Variants in NAV3 observed in about 807,000 individuals in gnomAD.
The protein encoded by NAV3 is neuron navigator 3, also known as pore membrane and/or filament interacting like protein 1.
A neutral mutation model predicts 244.7 loss-of-function variants in NAV3; 87 were observed. The observed-to-expected ratio is 0.36, with a 90% CI of 0.30 to 0.42. The LOEUF is 0.42. Among genes scored for constraint, NAV3 ranks in the 20% least tolerant of loss-of-function variants. The probability of loss-of-function intolerance (pLI) is 1.00; values close to 1 mark genes in which losing one functional copy is unlikely to be tolerated. For missense variants in NAV3, 2,663 were observed against 2,893.3 expected (o/e 0.92, Z 1.83); for synonymous variants, 1,126 against 1,042.2 (o/e 1.08, Z -1.55).
intron 2 of NAV3, among the ~76,000 whole-genome samples, chr12:77,746,953 G>C (rs1166953805): frequency 2.6e-5 from 4 of 152,120 alleles, no homozygotes; most frequent in African/African-American, 9.7e-5. Context: ...AGGGACACTT[G>C]TCAAACTCAA....
At chr12:78,146,327 A>G (rs181812994) in intron 20 of NAV3, 42 bp from the exon 21 acceptor site, 19 of 894,060 alleles carry the variant, frequency 2.1e-5, no homozygotes, top group African/African-American at 2.0e-4. Flanking sequence ...TTAATTGAAA[A>G]TAGTTTTTAT....
intron 34 of NAV3, among the ~76,000 whole-genome samples, chr12:78,194,811 AT>A (rs1370031300): frequency 5.9e-5 from 9 of 152,090 alleles, no homozygotes; most frequent in Admixed American, 1.3e-4. Flanking sequence ...ATTCTTCTCT[AT>A]TTGGAAAGCT....
At chr12:78,169,725 C>T (rs144025671) in intron 24 of NAV3, among the ~76,000 whole-genome samples, 19 of 151,824 alleles carry the variant, frequency 1.3e-4, no homozygotes, top group African/African-American at 4.6e-4. Context: ...CCCTCCACTC[C>T]ACCAAAACAA....
intron 2 of NAV3, among the ~76,000 whole-genome samples, chr12:77,785,385 G>A (rs1870857507): frequency 6.6e-6 from 1 of 151,988 alleles, no homozygotes; most frequent in Non-Finnish European, 1.5e-5. Context: ...AGTGCCAGGA[G>A]GTCTCCTAAA....
chr12:78,038,616 C>A lies in NAV3; in HGVS notation c.2024-11377C>A, dbSNP rs186131899. On this transcript the variant is annotated intron_variant, in intron 9 of 39. Transcript: ENST00000397909. ...TAGTGATTTCTGAATCTGAATACAC[C>A]AGGTGCTCCAACACTGAAGATTTAC... is the stretch of plus-strand genomic sequence containing the variant. Among the ~76,000 whole-genome samples the A allele has an allele frequency of 2.9e-3, 449 of 152,218 alleles. 2 individuals are homozygous for A. The highest frequency in any genetic ancestry group is 0.01 in the African/African-American group (416 of 41,538).
chr12:78,080,915 C>G (rs1256146206), intron 12 of NAV3, among the ~76,000 whole-genome samples: 1 of 152,128 alleles, frequency 6.6e-6, no homozygotes, highest in African/African-American at 2.4e-5. Flanking sequence ...TTGATAATAA[C>G]AAGTAGGATA....
intron 9 of NAV3, among the ~76,000 whole-genome samples, chr12:78,024,136 C>T (rs931757755): frequency 6.6e-6 from 1 of 152,148 alleles, no homozygotes; most frequent in Non-Finnish European, 1.5e-5. Context: ...CTTCACCAAC[C>T]TCCGCATATT....
chr12:77,761,657 C>A (rs534777659), intron 2 of NAV3, among the ~76,000 whole-genome samples: 1 of 152,110 alleles, frequency 6.6e-6, no homozygotes, highest in East Asian at 1.9e-4. Context: ...ATTTATGCGG[C>A]CAAGAAACAT....
At chr12:78,014,800 T>G (rs1362122939) in intron 8 of NAV3, among the ~76,000 whole-genome samples, 3 of 152,102 alleles carry the variant, frequency 2.0e-5, no homozygotes, top group Admixed American at 2.0e-4. Context: ...CAGGTAATGC[T>G]TTTGTAAGCC....
At position 78,169,031 on chromosome 12, in the gene NAV3, G is replaced by A. The variant is rs138673214; in HGVS notation, c.4981+165G>A. On this transcript the variant is annotated intron_variant, in intron 24 of 39. Coordinates refer to ENST00000397909, the MANE Select transcript of NAV3 (RefSeq NM_001024383.2). ...TACTAGTAGTATTAATACATACTACGTTGGTATTAATGTGATCAGAATCCT... is the reference window on the plus strand; with the variant it reads ...TACTAGTAGTATTAATACATACTACATTGGTATTAATGTGATCAGAATCCT... Among the ~76,000 whole-genome samples, 317 of 151,704 alleles carry A rather than the reference G, an allele frequency of 2.1e-3. 1 individual carries two copies. Among genetic ancestry groups the A allele is most frequent in the African/African-American group, 7.1e-3 (295 of 41,464 alleles).
intron 2 of NAV3, among the ~76,000 whole-genome samples, chr12:77,620,942 A>G (rs1871346461): frequency 6.6e-6 from 1 of 152,238 alleles, no homozygotes. Flanking sequence ...CATCGGTGAC[A>G]TTGTGGTAAA....
chr12:78,033,471 C>T (rs955315460), intron 9 of NAV3, among the ~76,000 whole-genome samples: 3 of 152,010 alleles, frequency 2.0e-5, no homozygotes, highest in Non-Finnish European at 4.4e-5. Flanking sequence ...CTGCACCTTC[C>T]TCCTCTTCCT....
At chr12:78,030,740 A>G (rs1878836976) in intron 9 of NAV3, among the ~76,000 whole-genome samples, 1 of 152,208 alleles carries the variant, frequency 6.6e-6, no homozygotes, top group South Asian at 2.1e-4. Context: ...CCACAAATAA[A>G]TGAATAAATA....
rs186694900 is a variant in NAV3 at position 78,031,903 on chromosome 12, A to T, written c.2023+10041A>T. Among the ~76,000 whole-genome samples, 605 of 149,268 alleles carry T rather than the reference A, an allele frequency of 4.1e-3. 9 individuals are homozygous for T. The highest frequency in any genetic ancestry group is 0.014 in the African/African-American group (568 of 40,020). ...AGTATAATAAAAAAATAATAATAAT[A>T]AAAAAAAAGAGAAGTGGTCTCTTTT... On this transcript the variant is annotated intron_variant, in intron 9 of 39. Coordinates refer to ENST00000397909, the MANE Select transcript of NAV3 (RefSeq NM_001024383.2).
rs1311905407 is a variant in NAV3, at chr12:78,050,630, TAG to T, written c.2133-131_2133-130del. Reference sequence around the variant, plus strand: ...CCACAATTTGACCTCAAAATGAATATAGAGTTTAGCTTTCGGGAAGATGACGT... The same window carrying T: ...CCACAATTTGACCTCAAAATGAATATAGTTTAGCTTTCGGGAAGATGACGT... On this transcript the variant is annotated intron_variant, in intron 10 of 39. Coordinates refer to ENST00000397909, the MANE Select transcript of NAV3 (RefSeq NM_001024383.2). The T allele has an allele frequency of 3.3e-6, 3 of 919,732 alleles. No homozygotes were observed. The African/African-American group carries it at 5.0e-5, about 15-fold the overall frequency. The allele number at this position is 919,732 out of a possible 1,614,324, so 57.0% of individuals were successfully genotyped here.
intron 2 of NAV3, among the ~76,000 whole-genome samples, chr12:77,613,328 C>T (rs150628769): frequency 1.8e-3 from 272 of 152,192 alleles, no homozygotes; most frequent in African/African-American, 6.3e-3. Flanking sequence ...ACTTGACCAG[C>T]GTTGCTGGTG....
At chr12:77,803,806 T>A (rs992669886) in intron 2 of NAV3, among the ~76,000 whole-genome samples, 7 of 152,218 alleles carry the variant, frequency 4.6e-5, no homozygotes, top group Admixed American at 2.0e-4. Context: ...CCTGACTTTT[T>A]CATGATCGCC....
intron 2 of NAV3, among the ~76,000 whole-genome samples, chr12:77,825,006 A>C (rs1872915547): frequency 1.3e-5 from 2 of 152,242 alleles, no homozygotes; most frequent in Admixed American, 1.3e-4. Flanking sequence ...CATAGAAAGG[A>C]ACAAAGATCA....
At chr12:77,915,086 A>G (rs1886992353) in intron 1 of NAV3, among the ~76,000 whole-genome samples, 1 of 152,014 alleles carries the variant, frequency 6.6e-6, no homozygotes, top group African/African-American at 2.4e-5. Flanking sequence ...GTCTTCCTTC[A>G]TGCCTTAGGA....
Sources: allele counts gnomAD v4.1 joint callset (sites outside exome capture counted in the v4.1 genomes callset), GRCh38; gene constraint gnomAD v4.1.1; transcripts MANE v1.5; gene names NCBI Gene and HGNC (gene_info 2026-07-23, HGNC 2026-07-21).